Variants in TRAF5 observed in about 807,000 individuals in gnomAD.
TRAF5 encodes the protein TNF receptor-associated factor 5.
Under a neutral mutation model 64.5 loss-of-function variants are expected in TRAF5, and 48 were observed. The observed-to-expected ratio is 0.74, with a 90% CI of 0.59 to 0.95. The LOEUF (loss-of-function observed/expected upper bound fraction) is 0.95, where lower values mean the gene tolerates loss of function less well. Ranked by LOEUF, TRAF5 falls within the 40% of genes least tolerant of loss-of-function variation. The pLI, the probability that TRAF5 is intolerant of heterozygous loss-of-function variation, is 0.00. For missense variants in TRAF5, 545 were observed against 662.8 expected (o/e 0.82, Z 1.95); for synonymous variants, 206 against 240.5 (o/e 0.86, Z 1.33).
intron 7 of TRAF5, among the ~76,000 whole-genome samples, chr1:211,363,687 CCTTT>C (rs1489635060): frequency 6.6e-6 from 1 of 152,074 alleles, no homozygotes; most frequent in African/African-American, 2.4e-5. Flanking sequence ...ATAGGGTTTA[CCTTT>C]CTTGTGCATG....
At chr1:211,336,860 T>C (rs1436602072) in intron 1 of TRAF5, among the ~76,000 whole-genome samples, 2 of 152,254 alleles carry the variant, frequency 1.3e-5, no homozygotes, top group Non-Finnish European at 2.9e-5. Context: ...GGTTTCACCA[T>C]GTCGGCCAGG....
chr1:211,352,174 C>A (rs1034118897), intron 1 of TRAF5, among the ~76,000 whole-genome samples: 1 of 152,098 alleles, frequency 6.6e-6, no homozygotes, highest in African/African-American at 2.4e-5. Flanking sequence ...ACTTACAGTT[C>A]CATGTGGCTG....
intron 1 of TRAF5, among the ~76,000 whole-genome samples, chr1:211,345,145 G>A (rs978858793): frequency 2.0e-5 from 3 of 152,078 alleles, no homozygotes; most frequent in African/African-American, 7.2e-5. Context: ...TTGAACTCCC[G>A]ACCTCAGGTG....
intron 7 of TRAF5, among the ~76,000 whole-genome samples, chr1:211,361,545 A>G (rs1703179951): frequency 6.6e-6 from 1 of 152,150 alleles, no homozygotes; most frequent in African/African-American, 2.4e-5. Context: ...ATGGAGGGTA[A>G]TCTGCTTACT....
At chr1:211,341,828 C>T (rs1702454974) in intron 1 of TRAF5, among the ~76,000 whole-genome samples, 2 of 152,178 alleles carry the variant, frequency 1.3e-5, no homozygotes, top group Non-Finnish European at 2.9e-5. Context: ...CAAAAAGTGA[C>T]TGAATCAATA....
intron 1 of TRAF5, chr1:211,346,287 T>C: frequency 3.4e-6 from 3 of 874,556 alleles, no homozygotes; most frequent in African/African-American, 1.8e-5. Context: ...TTGTGCCTTA[T>C]TTCTTCTGTC....
At chr1:211,369,416 C>A in intron 8 of TRAF5, 36 bp from the exon 9 acceptor site, 1 of 1,555,002 alleles carries the variant, frequency 6.4e-7, no homozygotes, top group East Asian at 2.3e-5. Flanking sequence ...CAGTTATATT[C>A]AGTGACTTTA....
chr1:211,336,412 T>C (rs1702290961), intron 1 of TRAF5, among the ~76,000 whole-genome samples: 1 of 152,218 alleles, frequency 6.6e-6, no homozygotes, highest in Non-Finnish European at 1.5e-5. Context: ...TTGGCTACAC[T>C]GTCCCCTCAC....
chr1:211,343,909 AGGATGG>A (rs939807610), intron 1 of TRAF5, among the ~76,000 whole-genome samples: 4 of 152,128 alleles, frequency 2.6e-5, no homozygotes, highest in African/African-American at 9.7e-5. Flanking sequence ...GCTGGAGCCA[AGGATGG>A]GGGCTTCCTA....
In TRAF5 at chr1:211,372,732, T is replaced by C. The variant is rs750652467; in HGVS notation, c.*30T>C. 1.1e-5 allele frequency: 18 copies of C among 1,591,700 alleles called. No homozygotes were observed. The highest frequency in any genetic ancestry group is 1.5e-5 in the Non-Finnish European group (17 of 1,162,052). The stretch of plus-strand genomic sequence containing the variant: ...TGTTATGGGGTGATAAGAGGACTTC[T>C]TGGGGCCAGAACTGTGGAGGAGAGC... On this transcript the variant is annotated 3_prime_UTR_variant, in exon 11 of 11. Coordinates refer to ENST00000261464, the MANE Select transcript of TRAF5 (RefSeq NM_001033910.3).
chr1:211,360,801 T>C (rs1482850426), intron 6 of TRAF5, 22 bp downstream of exon 6: 3 of 1,595,100 alleles, frequency 1.9e-6, no homozygotes, highest in Non-Finnish European at 2.6e-6. Flanking sequence ...TAATCCTCTC[T>C]GTAGATTTTA....
At chr1:211,356,524 T>A in intron 4 of TRAF5, 56 bp downstream of exon 4, 1 of 1,470,326 alleles carries the variant, frequency 6.8e-7, no homozygotes, top group Non-Finnish European at 9.5e-7. Flanking sequence ...GAATGTGTGT[T>A]GAACCCCTTT....
intron 1 of TRAF5, among the ~76,000 whole-genome samples, chr1:211,342,879 T>G (rs576900795): frequency 2.0e-5 from 3 of 152,386 alleles, no homozygotes; most frequent in South Asian, 4.1e-4. Context: ...CCACATGTTC[T>G]GTATCCATTC....
intron 2 of TRAF5, 75 bp downstream of exon 2, chr1:211,353,532 T>A (rs1250039619): frequency 2.6e-5 from 38 of 1,435,126 alleles, no homozygotes. Flanking sequence ...ACTCAACTGT[T>A]TTCATGGGTT....
intron 8 of TRAF5, among the ~76,000 whole-genome samples, chr1:211,366,469 G>A (rs185100989): frequency 2.6e-5 from 4 of 152,216 alleles, no homozygotes; most frequent in Non-Finnish European, 4.4e-5. Context: ...TACCCTTGAA[G>A]AACTAACATA....
chr1:211,359,076 A>G (rs527313748), intron 4 of TRAF5: 3 of 152,042 alleles, frequency 2.0e-5, no homozygotes, highest in African/African-American at 7.2e-5. Context: ...CCTCCTGTGT[A>G]GTTGGGACCA....
chr1:211,343,938 G>T (rs1023276448), intron 1 of TRAF5, among the ~76,000 whole-genome samples: 2 of 152,140 alleles, frequency 1.3e-5, no homozygotes, highest in Non-Finnish European at 2.9e-5. Context: ...GGAGAACAAG[G>T]CTTCCTAGTG....
chr1:211,328,511 C>T (rs1702076720), intron 1 of TRAF5, among the ~76,000 whole-genome samples: 1 of 152,150 alleles, frequency 6.6e-6, no homozygotes, highest in African/African-American at 2.4e-5. Flanking sequence ...GTATTTCCCT[C>T]TGTCAGCAGC....
rs377418327 is a variant in TRAF5, at chr1:211,331,758, C to T, written c.-2+4869C>T. On this transcript the variant is annotated intron_variant, in intron 1 of 10. Coordinates refer to ENST00000261464, the MANE Select transcript of TRAF5 (RefSeq NM_001033910.3). ...TCAGCTCACTGCAACCTCTGCCTCG[C>T]GGGTTCAAGTAATTCTCCTGCCTCA... Among the ~76,000 whole-genome samples the T allele has an allele frequency of 6.0e-3, 910 of 152,048 alleles. 4 individuals are homozygous for T. The highest frequency in any genetic ancestry group is 0.02 in the African/African-American group (818 of 41,462).
Sources: allele counts gnomAD v4.1 joint callset (sites outside exome capture counted in the v4.1 genomes callset), GRCh38; gene constraint gnomAD v4.1.1; transcripts MANE v1.5; gene names NCBI Gene and HGNC (gene_info 2026-07-23, HGNC 2026-07-21).